IBTK: variants seen among roughly 807,000 people sequenced by gnomAD.
IBTK encodes the protein inhibitor of Bruton tyrosine kinase.
A neutral mutation model predicts 154.9 loss-of-function variants in IBTK; 83 were observed. The observed-to-expected ratio is 0.54, with a 90% CI of 0.45 to 0.64. The LOEUF is 0.64. IBTK is among the 30% of genes least tolerant of loss of function. IBTK has a pLI of 0.00. For synonymous variants in IBTK, 515 were observed against 536.1 expected (o/e 0.96, Z 0.54); for missense variants, 1,332 against 1,584.6 (o/e 0.84, Z 2.71).
intron 9 of IBTK, 118 bp downstream of exon 9, chr6:82,220,471 AC>A: frequency 9.5e-7 from 1 of 1,052,052 alleles, no homozygotes; most frequent in Non-Finnish European, 1.3e-6. Flanking sequence ...GGCACCCAAT[AC>A]TAATCATCAA....
intron 10 of IBTK, among the ~76,000 whole-genome samples, chr6:82,217,715 G>A (rs2127817224): frequency 6.6e-6 from 1 of 152,236 alleles, no homozygotes; most frequent in African/African-American, 2.4e-5. Context: ...TCATACAACA[G>A]GTGATTTAAT....
rs1770918684 is a variant in IBTK, at chr6:82,240,839, G to A, written c.-353C>T. ...CTTTTAAATATCCATAATTGCAAGG[G>A]TGACCTATAAGAGAAAGAGAAGAGA... On this transcript the variant is annotated 5_prime_UTR_variant, in exon 2 of 29. Transcript: ENST00000306270. 1 of 410,508 alleles carries A rather than the reference G, an allele frequency of 2.4e-6. No individual in the cohort carries two copies. The highest frequency in any genetic ancestry group is 2.1e-5 in the African/African-American group (1 of 48,664). 25.4% of individuals were successfully genotyped at this position (410,508 alleles called of 1,614,324 possible). A position where few individuals can be genotyped will look rare whatever the true frequency, so the allele number is the denominator to read the frequency against.
intron 11 of IBTK, among the ~76,000 whole-genome samples, chr6:82,215,368 C>T (rs1769827830): frequency 1.3e-5 from 2 of 152,124 alleles, no homozygotes; most frequent in Admixed American, 6.5e-5. Flanking sequence ...TTACAGATGG[C>T]GCCACAACAC....
intron 24 of IBTK, 51 bp from the exon 25 acceptor site, chr6:82,191,267 T>C (rs777772292): frequency 7.0e-7 from 1 of 1,419,078 alleles, no homozygotes; most frequent in Non-Finnish European, 9.6e-7. Flanking sequence ...AAAGTTTAAT[T>C]CCATGAGAAA....
intron 26 of IBTK, among the ~76,000 whole-genome samples, chr6:82,177,989 G>A (rs1768180203): frequency 6.6e-6 from 1 of 152,138 alleles, no homozygotes; most frequent in Non-Finnish European, 1.5e-5. Context: ...GCCAGTACCA[G>A]GTAGCCCATA....
chr6:82,208,187 ATCTC>A (rs1264592277), intron 16 of IBTK, among the ~76,000 whole-genome samples: 3 of 151,006 alleles, frequency 2.0e-5, no homozygotes, highest in East Asian at 1.9e-4. Context: ...TGTGGTAATT[ATCTC>A]TCTCTATATA....
intron 26 of IBTK, among the ~76,000 whole-genome samples, chr6:82,180,853 T>C (rs9449443): frequency 0.18 from 26,850 of 152,164 alleles, 2,410 homozygotes; most frequent in Non-Finnish European, 0.18. Flanking sequence ...TGTTCCTTGC[T>C]TCAGTCAGAA....
chr6:82,206,232 A>C (rs145792535), intron 16 of IBTK, among the ~76,000 whole-genome samples: 1 of 152,268 alleles, frequency 6.6e-6, no homozygotes, highest in East Asian at 1.9e-4. Context: ...AATCACATTG[A>C]CAGCCTAGTA....
intron 25 of IBTK, among the ~76,000 whole-genome samples, chr6:82,187,369 G>A (rs572336258): frequency 5.2e-4 from 79 of 152,214 alleles, no homozygotes; most frequent in African/African-American, 1.8e-3. Context: ...GGCACTCTAA[G>A]CTCATGTTGC....
Position 82,247,717 on chromosome 6 carries a change from C to A in IBTK, c.-513G>T, listed in dbSNP as rs1158824237. 2 of 398,230 alleles carry A rather than the reference C, an allele frequency of 5.0e-6. No individual in the cohort carries two copies. The highest frequency in any genetic ancestry group is 7.1e-5 in the East Asian group (2 of 28,062). The allele number at this position is 398,230 out of a possible 1,614,324, so 24.7% of individuals were successfully genotyped here. On this transcript the variant is annotated 5_prime_UTR_variant, in exon 1 of 29. Coordinates refer to ENST00000306270, the MANE Select transcript of IBTK (RefSeq NM_015525.4). ...GTTCGGCAGGCGGCTGCAATACAGC[C>A]GCTACTACAGGAATCGGGAACGGGG...
intron 26 of IBTK, 106 bp downstream of exon 26, chr6:82,181,773 T>C (rs1025461893): frequency 8.2e-6 from 6 of 731,652 alleles, no homozygotes; most frequent in Admixed American, 3.6e-5. Flanking sequence ...TAAAAGAGTG[T>C]ACAAAAAATC....
chr6:82,204,923 C>T lies in IBTK; in HGVS notation c.2545G>A (p.Val849Met), dbSNP rs200530303. The T allele has an allele frequency of 9.7e-5, 156 of 1,605,034 alleles. No individual in the cohort carries two copies. Among genetic ancestry groups the T allele is most frequent in the Middle Eastern group, 1.7e-4 (1 of 6,026 alleles). Residue 849 changes from valine to methionine, a missense_variant, in exon 17 of 29, where the codon GTG becomes ATG. Transcript: ENST00000306270. The part of the protein sequence containing the change: ...QNVDFICSVL[V>M]VADQLLITRL... The stretch of plus-strand genomic sequence containing the variant: ...GTTATGAGAAGTTGATCAGCCACCA[C>T]AAGAACACTACAAATAAAATCTACA...
rs1022998848 is a variant in IBTK, at chr6:82,214,718, G to C, written c.1713C>G (p.Gly571=). ...DSIHDVTFQV[G]NRLFPAHKYI... ...ATTTATGTGCAGGGAAGAGTCTATT[G>C]CCAACTTGAAATGTCACATCATGAA... The change falls in exon 12 of 29, where the codon GGC becomes GGG. Residue 571 remains glycine, a synonymous_variant. Transcript: ENST00000306270. 1 of 1,613,894 alleles carries C rather than the reference G, an allele frequency of 6.2e-7. No individual in the cohort carries two copies. The highest frequency in any genetic ancestry group is 8.5e-7 in the Non-Finnish European group (1 of 1,179,994).
intron 26 of IBTK, among the ~76,000 whole-genome samples, chr6:82,176,580 G>A (rs866239671): frequency 1.3e-4 from 19 of 149,998 alleles, no homozygotes; most frequent in African/African-American, 2.7e-4. Context: ...ATTACATAAG[G>A]GGACATTTCA....
intron 9 of IBTK, 98 bp downstream of exon 9, chr6:82,220,492 G>C: frequency 8.1e-7 from 1 of 1,235,290 alleles, no homozygotes; most frequent in Non-Finnish European, 1.1e-6. Context: ...AAGTCAATAG[G>C]AATTGTCACT....
intron 8 of IBTK, 25 bp from the exon 9 acceptor site, chr6:82,220,738 A>G (rs1770066873): frequency 6.6e-7 from 1 of 1,519,374 alleles, no homozygotes; most frequent in Non-Finnish European, 8.8e-7. Flanking sequence ...AAAAAATCCT[A>G]GATTAATATG....
intron 20 of IBTK, 21 bp downstream of exon 20, chr6:82,200,561 GAAAAA>G: frequency 9.3e-7 from 1 of 1,074,638 alleles, no homozygotes; most frequent in Non-Finnish European, 1.3e-6. Flanking sequence ...AGGAGGAAAA[GAAAAA>G]AAAAAAAGAA....
intron 26 of IBTK, among the ~76,000 whole-genome samples, chr6:82,179,277 G>A (rs1019610312): frequency 4.6e-5 from 7 of 152,246 alleles, no homozygotes; most frequent in East Asian, 1.9e-4. Flanking sequence ...AGAAGATTCC[G>A]AAAAAACAGG....
rs1214373703 is a variant in IBTK at position 82,210,844 on chromosome 6, G to C, written c.2479C>G (p.Leu827Val). The change falls in exon 16 of 29, where the codon CTC becomes GTC. Residue 827 changes from leucine to valine, a missense_variant. Leu to Val is a conservative substitution (Grantham distance 32). Coordinates refer to ENST00000306270, the MANE Select transcript of IBTK (RefSeq NM_015525.4). Reference protein sequence around the residue: ...SDILKVILDYLYTDEAVVIKE... With the variant: ...SDILKVILDYVYTDEAVVIKE... ...ATCACCACAGCTTCATCAGTATAGA[G>C]GTAGTCCAAAATAACTTTTAATATA... The C allele has an allele frequency of 1.3e-6, 2 of 1,565,850 alleles. No individual in the cohort carries two copies. The highest frequency in any genetic ancestry group is 1.7e-6 in the Non-Finnish European group (2 of 1,152,034).
Sources: gnomAD v4.1 joint callset for allele counts (sites outside exome capture counted in the v4.1 genomes callset) on GRCh38, gnomAD v4.1.1 for gene constraint, MANE v1.5 for transcripts, NCBI Gene and HGNC (gene_info 2026-07-23, HGNC 2026-07-21) for gene names.